The following TMEM9 variants were observed in gnomAD, a reference collection of about 807,000 sequenced individuals.
TMEM9 encodes the protein proton-transporting V-type ATPase complex assembly regulator TMEM9.
A neutral mutation model predicts 22.8 loss-of-function variants in TMEM9; 13 were observed. The observed-to-expected ratio is 0.57, with a 90% CI of 0.37 to 0.91. TMEM9 has a LOEUF of 0.91. Ranked by LOEUF, TMEM9 falls within the 40% of genes least tolerant of loss-of-function variation. The pLI is 0.01. For missense variants in TMEM9, 182 were observed against 238.1 expected (o/e 0.76, Z 1.55); for synonymous variants, 88 against 93.0 (o/e 0.95, Z 0.31).
At chr1:201,165,965 G>A (rs188558222) in intron 1 of TMEM9, among the ~76,000 whole-genome samples, 46 of 152,212 alleles carry the variant, frequency 3.0e-4, no homozygotes, top group African/African-American at 8.7e-4. Context: ...GAGCCCTCCC[G>A]TGCAAATATC....
At chr1:201,161,871 A>G (rs1572139393) in intron 1 of TMEM9, among the ~76,000 whole-genome samples, 1 of 152,228 alleles carries the variant, frequency 6.6e-6, no homozygotes, top group East Asian at 1.9e-4. Context: ...AATTCTACTT[A>G]TGCACTTTTT....
intron 1 of TMEM9, among the ~76,000 whole-genome samples, chr1:201,163,353 G>A (rs191107032): frequency 2.8e-4 from 42 of 152,278 alleles, no homozygotes; most frequent in African/African-American, 8.9e-4. Flanking sequence ...ACTTTGGGAG[G>A]CTGAGGCGGG....
chr1:201,153,205 A>G (rs1558116660), intron 1 of TMEM9, among the ~76,000 whole-genome samples: 1 of 152,154 alleles, frequency 6.6e-6, no homozygotes, highest in African/African-American at 2.4e-5. Context: ...AGTACATCAT[A>G]TTTTTTTACC....
At chr1:201,155,491 TTA>T (rs1477770628), upstream of TMEM9, among the ~76,000 whole-genome samples, 1 of 152,222 alleles carries the variant, frequency 6.6e-6, no homozygotes, top group East Asian at 1.9e-4. Flanking sequence ...TCTCCTATGC[TTA>T]TGTCTTATTC....
At chr1:201,162,497 T>C (rs1665970821) in intron 1 of TMEM9, among the ~76,000 whole-genome samples, 1 of 151,046 alleles carries the variant, frequency 6.6e-6, no homozygotes, top group South Asian at 2.1e-4. Context: ...AAGATAGCCT[T>C]TCAATGAATG....
Position 201,143,948 on chromosome 1 carries a change from T to A in TMEM9, c.271A>T (p.Ile91Phe). The A allele has an allele frequency of 6.2e-7, 1 of 1,614,036 alleles. No homozygotes were observed. The highest frequency in any genetic ancestry group is 8.5e-7 in the Non-Finnish European group (1 of 1,179,974). The change falls in exon 4 of 5, where the codon ATC becomes TTC. Residue 91 changes from isoleucine (I) to phenylalanine (F), a missense_variant. Physicochemically the swap from Ile to Phe is conservative, Grantham distance 21. Coordinates refer to ENST00000367330, the MANE Select transcript of TMEM9 (RefSeq NM_001288565.2). ...ACCACGGACAGGTAGATGACAATGA[T>A]GACCTGAGGAAGAGACCGGCGTGCC... ...EERSTTTIKV[I>F]IVIYLSVVGA...
chr1:201,136,295 A>G (rs967478248), intron 4 of TMEM9, among the ~76,000 whole-genome samples: 1 of 152,230 alleles, frequency 6.6e-6, no homozygotes, highest in Non-Finnish European at 1.5e-5. Flanking sequence ...CCCCAGGGCT[A>G]GTACTAGGCT....
At chr1:201,164,217 G>A (rs1558121856) in intron 1 of TMEM9, among the ~76,000 whole-genome samples, 1 of 152,202 alleles carries the variant, frequency 6.6e-6, no homozygotes, top group Non-Finnish European at 1.5e-5. Context: ...ACATTAGCAG[G>A]TGTTAATGAG....
intron 1 of TMEM9, among the ~76,000 whole-genome samples, chr1:201,170,960 T>A (rs542563078): frequency 1.3e-5 from 2 of 152,344 alleles, no homozygotes; most frequent in East Asian, 3.9e-4. Context: ...TGAGAACATT[T>A]CTGTGCCGGG....
rs1665154280 is a variant in TMEM9 at position 201,148,352 on chromosome 1, T to C, written c.159-1504A>G. Among the ~76,000 whole-genome samples, 4 of 152,208 alleles carry C rather than the reference T, an allele frequency of 2.6e-5. No homozygotes were observed. The South Asian group carries it at 6.2e-4, about 24-fold the overall frequency. On this transcript the variant is annotated intron_variant, in intron 2 of 4. Transcript: ENST00000367330. ...ATTCCCAGCCTTCCTCAGATCAGCA[T>C]GGTTCCAACCTGTTTGGTTCAGGGA...
At chr1:201,164,321 CT>C (rs1666019799) in intron 1 of TMEM9, among the ~76,000 whole-genome samples, 1 of 152,110 alleles carries the variant, frequency 6.6e-6, no homozygotes, top group African/African-American at 2.4e-5. Context: ...CGTTAATAAC[CT>C]GGTTTTAATA....
chr1:201,158,649 G>A (rs896484208), upstream of TMEM9, among the ~76,000 whole-genome samples: 1 of 152,140 alleles, frequency 6.6e-6, no homozygotes, highest in Middle Eastern at 3.4e-3. Context: ...TCAGTGAGAG[G>A]GTGGAGACCA....
At chr1:201,151,994 A>G in intron 1 of TMEM9, 142 bp from the exon 2 acceptor site, 2 of 632,210 alleles carry the variant, frequency 3.2e-6, no homozygotes, top group South Asian at 4.0e-5. Flanking sequence ...TCCATCCCCA[A>G]GTTCAAATCC....
upstream of TMEM9, among the ~76,000 whole-genome samples, chr1:201,159,391 A>G (rs962134602): frequency 2.0e-5 from 3 of 152,148 alleles, no homozygotes; most frequent in African/African-American, 7.2e-5. Flanking sequence ...CTAAGGGCAG[A>G]GAGCGCCCTG....
chr1:201,166,938 A>G (rs1169788700), intron 1 of TMEM9, among the ~76,000 whole-genome samples: 1 of 152,202 alleles, frequency 6.6e-6, no homozygotes, highest in Non-Finnish European at 1.5e-5. Context: ...TTGTTTCCCT[A>G]ACTGTAAAGT....
At chr1:201,146,064 G>A (rs1308027239) in intron 3 of TMEM9, among the ~76,000 whole-genome samples, 1 of 152,224 alleles carries the variant, frequency 6.6e-6, no homozygotes. Context: ...AAGCCGCACT[G>A]GGGGGCTGGG....
Position 201,144,009 on chromosome 1 carries a change from G to A in TMEM9, c.268-58C>T, listed in dbSNP as rs906220173. ...TATCTGAGGCCAGGGCTAGAAATCC[G>A]TTGCTAGTCTTGGGCCATCTGTGTC... On this transcript the variant is annotated intron_variant, in intron 3 of 4. Coordinates refer to ENST00000367330, the MANE Select transcript of TMEM9 (RefSeq NM_001288565.2). 172 of 1,593,800 alleles carry A rather than the reference G, an allele frequency of 1.1e-4. 1 individual carries two copies. The highest frequency in any genetic ancestry group is 1.4e-4 in the Non-Finnish European group (164 of 1,166,642).
intron 1 of TMEM9, among the ~76,000 whole-genome samples, chr1:201,160,795 G>A (rs1220650128): frequency 6.6e-6 from 1 of 151,876 alleles, no homozygotes; most frequent in African/African-American, 2.4e-5. Context: ...AATGAGCCGG[G>A]CGTGGTCGCA....
Position 201,153,970 on chromosome 1 carries a change from A to T in TMEM9, c.-47T>A. 1.3e-6 allele frequency: 2 copies of T among 1,576,322 alleles called. No individual in the cohort carries two copies. Among genetic ancestry groups the T allele is most frequent in the Non-Finnish European group, 1.7e-6 (2 of 1,160,642 alleles). On this transcript the variant is annotated 5_prime_UTR_variant, in exon 1 of 5. Transcript: ENST00000367330. ...AGCAAAGCCGGACACCTGGAAAAAG[A>T]GATACGGAGTCGGAGAAGGGGAAGG...
Sources: gnomAD v4.1 joint callset for allele counts (sites outside exome capture counted in the v4.1 genomes callset) on GRCh38, gnomAD v4.1.1 for gene constraint, MANE v1.5 for transcripts, NCBI Gene and HGNC (gene_info 2026-07-23, HGNC 2026-07-21) for gene names.